LDHB: variants seen among roughly 807,000 people sequenced by gnomAD.
The protein encoded by LDHB is L-lactate dehydrogenase B chain.
Under a neutral mutation model 33.4 loss-of-function variants are expected in LDHB, and 18 were observed. The observed-to-expected ratio is 0.54, with a 90% CI of 0.37 to 0.80. The LOEUF is 0.80. LDHB is among the 30% of genes least tolerant of loss of function. The pLI is 0.00. For missense variants in LDHB, 345 were observed against 407.9 expected (o/e 0.85, Z 1.33); for synonymous variants, 121 against 140.6 (o/e 0.86, Z 0.98).
chr12:21,637,896 T>A (rs1161244940), intron 6 of LDHB, among the ~76,000 whole-genome samples: 2 of 16,932 alleles, frequency 1.2e-4, no homozygotes, highest in East Asian at 8.9e-3. Flanking sequence ...ATAGTTCAAA[T>A]TCCTGAAAAA....
At chr12:21,646,627 A>T (rs1938533801) in intron 3 of LDHB, among the ~76,000 whole-genome samples, 1 of 152,240 alleles carries the variant, frequency 6.6e-6, no homozygotes, top group African/African-American at 2.4e-5. Context: ...AATATTTGAG[A>T]AATAAAAAGT....
chr12:21,638,476 TAAAAA>T lies in LDHB; in HGVS notation c.596-11_596-7del. On this transcript the variant is annotated splice_region_variant and splice_polypyrimidine_tract_variant and intron_variant, in intron 5 of 7. Transcript: ENST00000350669. ...CACACCACTCCACACAGCCACTGTT[TAAAAA>T]AAAAAAAAAAGACATTGCAGTTATT... 1.7e-5 allele frequency: 19 copies of T among 1,097,016 alleles called. No individual in the cohort carries two copies. The highest frequency in any genetic ancestry group is 2.2e-4 in the Middle Eastern group (1 of 4,508). 68.0% of individuals were successfully genotyped at this position (1,097,016 alleles called of 1,614,324 possible). A position where few individuals can be genotyped will look rare whatever the true frequency, so the allele number is the denominator to read the frequency against.
chr12:21,648,899 T>G (rs1249238375), intron 2 of LDHB, among the ~76,000 whole-genome samples: 1 of 152,222 alleles, frequency 6.6e-6, no homozygotes, highest in Non-Finnish European at 1.5e-5. Flanking sequence ...AAATGATCAT[T>G]CTGTGAGTTG....
At chr12:21,648,570 T>C (rs1006610390) in intron 2 of LDHB, among the ~76,000 whole-genome samples, 1 of 151,026 alleles carries the variant, frequency 6.6e-6, no homozygotes, top group East Asian at 1.9e-4. Context: ...GTAACTGGAG[T>C]TCAGGAAGCA....
At chr12:21,655,200 T>C (rs555677852) in intron 1 of LDHB, among the ~76,000 whole-genome samples, 4 of 152,358 alleles carry the variant, frequency 2.6e-5, no homozygotes, top group South Asian at 2.1e-4. Flanking sequence ...TGAAGCCCAT[T>C]AGAATTGGAT....
chr12:21,640,879 C>CTTTTGT (rs1938354578), intron 5 of LDHB, among the ~76,000 whole-genome samples: 2 of 150,880 alleles, frequency 1.3e-5, no homozygotes, highest in Admixed American at 6.6e-5. Flanking sequence ...AAGCCTGGGA[C>CTTTTGT]AACTTGAGCA....
intron 2 of LDHB, among the ~76,000 whole-genome samples, chr12:21,649,347 A>AAAC (rs1938616721): frequency 6.6e-6 from 1 of 152,256 alleles, no homozygotes; most frequent in Non-Finnish European, 1.5e-5. Flanking sequence ...CACTGAATTT[A>AAAC]GCTGCATCCG....
At chr12:21,655,876 T>C (rs1278614656) in intron 1 of LDHB, among the ~76,000 whole-genome samples, 2 of 152,250 alleles carry the variant, frequency 1.3e-5, no homozygotes, top group African/African-American at 4.8e-5. Context: ...ATCAATTCCA[T>C]GGCAATTTAT....
At chr12:21,649,165 T>C (rs1249629110) in intron 2 of LDHB, among the ~76,000 whole-genome samples, 2 of 152,190 alleles carry the variant, frequency 1.3e-5, no homozygotes, top group Non-Finnish European at 2.9e-5. Context: ...TAACATCACA[T>C]GTGTGCTGCT....
intron 2 of LDHB, chr12:21,654,244 G>A (rs559908918): frequency 2.7e-5 from 10 of 367,956 alleles, no homozygotes; most frequent in South Asian, 1.9e-4. Flanking sequence ...AGCTATAAAC[G>A]GCATGATTTT....
intron 2 of LDHB, among the ~76,000 whole-genome samples, chr12:21,652,788 A>C (rs1036536787): frequency 2.0e-5 from 3 of 152,208 alleles, no homozygotes; most frequent in South Asian, 4.1e-4. Flanking sequence ...GCTATCCTAA[A>C]TGACAGTTAC....
chr12:21,651,910 G>A (rs749451304), intron 2 of LDHB, among the ~76,000 whole-genome samples: 1 of 152,082 alleles, frequency 6.6e-6, no homozygotes, highest in South Asian at 2.1e-4. Flanking sequence ...CTAAGAAAAT[G>A]TACTCCATTT....
At chr12:21,638,595 T>TA (rs2136961948) in intron 5 of LDHB, 125 bp from the exon 6 acceptor site, 1 of 696,170 alleles carries the variant, frequency 1.4e-6, no homozygotes, top group East Asian at 2.7e-5. Context: ...ACTGCTCCAA[T>TA]AAGTGACTCT....
At chr12:21,635,769 G>C (rs1358197869) in intron 7 of LDHB, 60 bp from the exon 8 acceptor site, 19 of 1,507,832 alleles carry the variant, frequency 1.3e-5, no homozygotes, top group Admixed American at 1.8e-5. Flanking sequence ...AATGATCAAA[G>C]ACAGGAGGCT....
chr12:21,657,324 G>A (rs1938881744), intron 1 of LDHB: 1 of 152,100 alleles, frequency 6.6e-6, no homozygotes, highest in African/African-American at 2.4e-5. Context: ...CTCTATTACC[G>A]TGGCAATATA....
chr12:21,644,070 T>C lies in LDHB; in HGVS notation c.286A>G (p.Thr96Ala). 2 of 1,613,542 alleles carry C rather than the reference T, an allele frequency of 1.2e-6. No individual in the cohort carries two copies. The highest frequency in any genetic ancestry group is 1.7e-6 in the Non-Finnish European group (2 of 1,179,502). ...VTANSKIVVV[T>A]AGVRQQEGES... ...CCTTCTTGCTGACGGACTCCTGCAG[T>C]TACCACTACAATCTTAGAATTGGCA... The change falls in exon 4 of 8, where the codon ACT becomes GCT. Residue 96 changes from threonine to alanine, a missense_variant. Coordinates refer to ENST00000350669, the MANE Select transcript of LDHB (RefSeq NM_002300.8).
chr12:21,645,085 C>CGCT (rs1938483149), intron 3 of LDHB, among the ~76,000 whole-genome samples: 1 of 152,054 alleles, frequency 6.6e-6, no homozygotes, highest in African/African-American at 2.4e-5. Context: ...CCCACCCCTG[C>CGCT]GCTCCCTGAA....
chr12:21,636,874 A>T (rs1266448314), intron 7 of LDHB, among the ~76,000 whole-genome samples, 197 bp downstream of exon 7: 3 of 152,144 alleles, frequency 2.0e-5, no homozygotes, highest in Non-Finnish European at 4.4e-5. Context: ...CAATCTATTG[A>T]ATGTCTTAGA....
chr12:21,640,852 G>A (rs1650292), intron 5 of LDHB, among the ~76,000 whole-genome samples: 143,934 of 152,038 alleles, frequency 0.95, 68,610 homozygotes, highest in East Asian at 1. Context: ...AAAAAAAGAC[G>A]TAAGAGTCAG....
Sources: gnomAD v4.1 joint callset for allele counts (sites outside exome capture counted in the v4.1 genomes callset) on GRCh38, gnomAD v4.1.1 for gene constraint, MANE v1.5 for transcripts, NCBI Gene and HGNC (gene_info 2026-07-23, HGNC 2026-07-21) for gene names.